Variants in ASTN2 observed in about 807,000 individuals in gnomAD.
ASTN2 encodes the protein astrotactin 2.
ASTN2 carries 54 observed loss-of-function variants against 139.8 expected under a neutral mutation model. The observed-to-expected ratio is 0.39, with a 90% confidence interval of 0.31 to 0.48. The LOEUF (loss-of-function observed/expected upper bound fraction) is 0.48. Ranked by LOEUF, ASTN2 falls within the 20% of genes least tolerant of loss-of-function variation. The pLI, the probability that ASTN2 is intolerant of heterozygous loss-of-function variation, is 0.95. For synonymous variants in ASTN2, 756 were observed against 719.5 expected (o/e 1.05, Z -0.81); for missense variants, 1,565 against 1,725.1 (o/e 0.91, Z 1.64).
chr9:116,596,038 C>G (rs978425999), intron 19 of ASTN2, among the ~76,000 whole-genome samples: 1 of 151,988 alleles, frequency 6.6e-6, no homozygotes, highest in Non-Finnish European at 1.5e-5. Context: ...AAGTGTGCAT[C>G]GACAAATAAA....
intron 11 of ASTN2, among the ~76,000 whole-genome samples, chr9:116,844,344 C>T (rs748083839): frequency 1.3e-5 from 2 of 152,178 alleles, no homozygotes; most frequent in Admixed American, 6.5e-5. Context: ...TGTTTCCCTA[C>T]GAGTCCACAG....
At chr9:116,506,020 A>G (rs1339397165) in intron 19 of ASTN2, among the ~76,000 whole-genome samples, 3 of 152,140 alleles carry the variant, frequency 2.0e-5, no homozygotes, top group African/African-American at 7.2e-5. Flanking sequence ...TTTCAAACAC[A>G]TAGTACACTT....
chr9:117,172,597 G>C (rs115291742), intron 3 of ASTN2, among the ~76,000 whole-genome samples: 277 of 152,246 alleles, frequency 1.8e-3, no homozygotes, highest in African/African-American at 6.3e-3. Flanking sequence ...GTCCCCATTT[G>C]TGAACTGGTT....
intron 2 of ASTN2, among the ~76,000 whole-genome samples, chr9:117,244,742 GGGAA>G (rs1475429753): frequency 6.8e-6 from 1 of 146,298 alleles, no homozygotes; most frequent in Non-Finnish European, 1.5e-5. Flanking sequence ...GAGTGAGGGA[GGGAA>G]GGAGGGAGGG....
intron 7 of ASTN2, among the ~76,000 whole-genome samples, chr9:116,997,260 A>G (rs1175458506): frequency 6.6e-6 from 1 of 152,172 alleles, no homozygotes; most frequent in African/African-American, 2.4e-5. Flanking sequence ...GCTCCCTGAA[A>G]TTTTATGACC....
chr9:116,758,261 G>A (rs1430315223), intron 13 of ASTN2, among the ~76,000 whole-genome samples: 1 of 152,148 alleles, frequency 6.6e-6, no homozygotes, highest in East Asian at 1.9e-4. Context: ...CAAAGAAAAA[G>A]GCCTCGCACA....
At chr9:117,065,187 CT>C (rs1175182154) in intron 5 of ASTN2, among the ~76,000 whole-genome samples, 4 of 152,118 alleles carry the variant, frequency 2.6e-5, no homozygotes, top group African/African-American at 4.8e-5. Flanking sequence ...AGAACAGATT[CT>C]CCCTCCGTGC....
At chr9:116,494,808 G>T (rs1441527768) in intron 19 of ASTN2, among the ~76,000 whole-genome samples, 2 of 152,164 alleles carry the variant, frequency 1.3e-5, no homozygotes, top group African/African-American at 4.8e-5. Flanking sequence ...GCTGAAGTCA[G>T]GACATTCAGC....
At chr9:117,170,644 G>A (rs972163857) in intron 3 of ASTN2, among the ~76,000 whole-genome samples, 2 of 152,124 alleles carry the variant, frequency 1.3e-5, no homozygotes, top group African/African-American at 4.8e-5. Context: ...TATGGGGAAA[G>A]TAACATGTAT....
At chr9:116,470,340 T>C (rs1848774735) in intron 20 of ASTN2, among the ~76,000 whole-genome samples, 1 of 152,194 alleles carries the variant, frequency 6.6e-6, no homozygotes, top group Non-Finnish European at 1.5e-5. Context: ...TGGTGTGAGC[T>C]AGGCTCCTTA....
intron 13 of ASTN2, among the ~76,000 whole-genome samples, chr9:116,786,312 C>G (rs575967563): frequency 2.2e-3 from 333 of 152,268 alleles, no homozygotes; most frequent in Non-Finnish European, 3.0e-3. Flanking sequence ...ATGTACCTGA[C>G]AGGGTGTATA....
At chr9:117,162,161 C>T (rs13289759) in intron 3 of ASTN2, among the ~76,000 whole-genome samples, 37,553 of 151,948 alleles carry the variant, frequency 0.25, 5,120 homozygotes, top group Middle Eastern at 0.37. Flanking sequence ...TTAAACTTTT[C>T]TATCCTATCA....
chr9:117,127,840 C>T (rs1216045823), intron 4 of ASTN2, among the ~76,000 whole-genome samples: 1 of 151,824 alleles, frequency 6.6e-6, no homozygotes, highest in Non-Finnish European at 1.5e-5. Context: ...GCCACCACGC[C>T]CACCTAATTT....
chr9:116,436,698 A>C (rs901557798), intron 22 of ASTN2, among the ~76,000 whole-genome samples: 4 of 152,176 alleles, frequency 2.6e-5, no homozygotes, highest in Non-Finnish European at 5.9e-5. Context: ...AGATTTATTT[A>C]GAAAAAAAGG....
rs372525461 is a variant in ASTN2, at chr9:117,210,918, CATCAATAGAATGAAGGACA to C, written c.1015+3421_1015+3439del. Among the ~76,000 whole-genome samples, 459 of 143,462 alleles carry C rather than the reference CATCAATAGAATGAAGGACA, an allele frequency of 3.2e-3. 3 individuals are homozygous for C. Among genetic ancestry groups the C allele is most frequent in the African/African-American group, 0.011 (430 of 38,924 alleles). The allele number at this position is 143,462 out of a possible 152,430, so 94.1% of individuals were successfully genotyped here. A position where few individuals can be genotyped will look rare whatever the true frequency, so the allele number is the denominator to read the frequency against. On this transcript the variant is annotated intron_variant, in intron 3 of 22. Transcript: ENST00000313400. The stretch of plus-strand genomic sequence containing the variant: ...TATGCAAATCAATAAACATATTTCA[CATCAATAGAATGAAGGACA>C]ATCAATAGAATGATGGAAAAAAAAC...
chr9:117,137,562 T>G (rs1376162956), intron 4 of ASTN2, among the ~76,000 whole-genome samples: 2 of 152,136 alleles, frequency 1.3e-5, no homozygotes, highest in Admixed American at 1.3e-4. Flanking sequence ...ATGGGAGAAA[T>G]AAGAGTTTGC....
intron 1 of ASTN2, among the ~76,000 whole-genome samples, chr9:117,337,050 A>G (rs1182481726): frequency 6.6e-6 from 1 of 152,226 alleles, no homozygotes; most frequent in African/African-American, 2.4e-5. Flanking sequence ...AAATAAATGC[A>G]TAATTAAGAA....
chr9:117,087,224 T>A (rs1271287683), intron 5 of ASTN2, among the ~76,000 whole-genome samples: 2 of 151,720 alleles, frequency 1.3e-5, no homozygotes, highest in Non-Finnish European at 2.9e-5. Flanking sequence ...TTCTTTTTGT[T>A]TGTTTGTTTG....
Position 116,699,550 on chromosome 9 carries a change from C to G in ASTN2, c.2806+26221G>C. 1.2e-6 allele frequency: 2 copies of G among 1,614,156 alleles called. No individual in the cohort carries two copies. The highest frequency in any genetic ancestry group is 1.7e-6 in the Non-Finnish European group (2 of 1,180,034). ...AGTCGCAAGGAAATTCTCCATTTTC[C>G]TAAGGGTGGGGGCTATAGTGTCCTT... On this transcript the variant is annotated intron_variant, in intron 16 of 22. Transcript: ENST00000313400. This position sits in a 1 kb window ranked among gnomAD's most constrained non-coding sequence, Gnocchi z 4.2.
Sources: allele counts gnomAD v4.1 joint callset (sites outside exome capture counted in the v4.1 genomes callset), GRCh38; gene constraint gnomAD v4.1.1; non-coding constraint Gnocchi (gnomAD v3.1); transcripts MANE v1.5; gene names NCBI Gene and HGNC (gene_info 2026-07-23, HGNC 2026-07-21).